The following CTTNBP2NL variants were observed in gnomAD, a reference collection of about 807,000 sequenced individuals.
CTTNBP2NL encodes CTTNBP2 N-terminal-like protein.
CTTNBP2NL carries 16 observed loss-of-function variants against 32.5 expected under a neutral mutation model. That is an observed-to-expected ratio of 0.49 (90% CI 0.33 to 0.75). The LOEUF (loss-of-function observed/expected upper bound fraction) is 0.75, where lower values mean the gene tolerates loss of function less well. Ranked by LOEUF, CTTNBP2NL falls within the 30% of genes least tolerant of loss-of-function variation. CTTNBP2NL has a pLI of 0.02. For missense variants in CTTNBP2NL, 645 were observed against 756.0 expected (o/e 0.85, Z 1.72); for synonymous variants, 298 against 289.4 (o/e 1.03, Z -0.30).
At chr1:112,395,732 GAAA>G (rs5777109), upstream of CTTNBP2NL, among the ~76,000 whole-genome samples, 1 of 145,634 alleles carries the variant, frequency 6.9e-6, no homozygotes, top group South Asian at 2.2e-4. Context: ...CCAGAAAAAA[GAAA>G]AAAAAAAAGG....
chr1:112,397,097 A>G (rs1174289331), intron 1 of CTTNBP2NL, among the ~76,000 whole-genome samples: 1 of 152,152 alleles, frequency 6.6e-6, no homozygotes, highest in Non-Finnish European at 1.5e-5. Flanking sequence ...TATATTTCAC[A>G]GTGAGGTGGG....
At chr1:112,428,206 T>G (rs1470815071) in intron 3 of CTTNBP2NL, among the ~76,000 whole-genome samples, 3 of 152,176 alleles carry the variant, frequency 2.0e-5, no homozygotes, top group Non-Finnish European at 2.9e-5. Context: ...TATGCATATT[T>G]TAATTTTTTC....
At chr1:112,419,939 A>G (rs1170753638) in intron 3 of CTTNBP2NL, among the ~76,000 whole-genome samples, 1 of 152,168 alleles carries the variant, frequency 6.6e-6, no homozygotes, top group Non-Finnish European at 1.5e-5. Flanking sequence ...GATCACATGA[A>G]CACATGAACA....
chr1:112,435,126 G>C (rs893619347), intron 3 of CTTNBP2NL, among the ~76,000 whole-genome samples: 1 of 120,244 alleles, frequency 8.3e-6, no homozygotes. Context: ...CTGGGCAGCA[G>C]AGCAAGACTC....
intron 1 of CTTNBP2NL, among the ~76,000 whole-genome samples, chr1:112,408,220 A>ATTTTTTTT (rs397981257): frequency 6.0e-4 from 62 of 103,744 alleles, no homozygotes; most frequent in African/African-American, 1.2e-3. Context: ...TTTTTTTTTA[A>ATTTTTTTT]TTTTTTTTTT....
chr1:112,423,658 ATTCTC>A (rs1649299505), intron 3 of CTTNBP2NL, among the ~76,000 whole-genome samples: 1 of 152,234 alleles, frequency 6.6e-6, no homozygotes, highest in East Asian at 1.9e-4. Flanking sequence ...GTCTCATTTC[ATTCTC>A]TTAACTGTAT....
rs757531503 is a variant in CTTNBP2NL at position 112,456,656 on chromosome 1, G to A, written c.1164G>A (p.Glu388=). The part of the protein sequence containing the change: ...SVALAQEKPV[E]NGGCPVGIET... ...CATTGGCCCAAGAGAAACCAGTGGA[G>A]AATGGTGGGTGTCCTGTGGGGATTG... Residue 388 remains glutamate (E), a synonymous_variant, in exon 6 of 6, where the codon GAG becomes GAA. Transcript: ENST00000271277. The A allele has an allele frequency of 3.1e-6, 5 of 1,614,172 alleles. No individual in the cohort carries two copies. The South Asian group carries it at 4.4e-5, about 14-fold the overall frequency.
intron 1 of CTTNBP2NL, among the ~76,000 whole-genome samples, chr1:112,397,991 A>T (rs187598103): frequency 6.6e-6 from 1 of 152,356 alleles, no homozygotes; most frequent in African/African-American, 2.4e-5. Flanking sequence ...CCAGTAAGAA[A>T]GTACAAAGAA....
At chr1:112,424,108 GTTTTTT>G (rs1311378054) in intron 3 of CTTNBP2NL, among the ~76,000 whole-genome samples, 1 of 151,896 alleles carries the variant, frequency 6.6e-6, no homozygotes, top group Admixed American at 6.6e-5. Context: ...GTTTTCTCCT[GTTTTTT>G]TGTTTTTGTT....
At chr1:112,417,874 A>G (rs982829182) in intron 3 of CTTNBP2NL, among the ~76,000 whole-genome samples, 1 of 149,864 alleles carries the variant, frequency 6.7e-6, no homozygotes, top group East Asian at 2.0e-4. Flanking sequence ...TCTCCAATGT[A>G]TCAGGATTTT....
intron 4 of CTTNBP2NL, among the ~76,000 whole-genome samples, chr1:112,451,788 A>G (rs1650227421): frequency 6.8e-6 from 1 of 146,860 alleles, no homozygotes. Flanking sequence ...AAAAAAACAC[A>G]AAACAAACAA....
At chr1:112,427,308 T>C (rs973798297) in intron 3 of CTTNBP2NL, among the ~76,000 whole-genome samples, 1 of 152,174 alleles carries the variant, frequency 6.6e-6, no homozygotes, top group South Asian at 2.1e-4. Context: ...TTAAAGGGGA[T>C]TGTGTTTATA....
chr1:112,399,210 T>C (rs1648422636), intron 1 of CTTNBP2NL, among the ~76,000 whole-genome samples: 1 of 150,236 alleles, frequency 6.7e-6, no homozygotes, highest in South Asian at 2.1e-4. Context: ...TCCTAGCTAC[T>C]CAGGAGGCTG....
rs1196317654 is a variant in CTTNBP2NL, at chr1:112,458,679, A to G, written c.*1267A>G. 6.6e-6 allele frequency: 1 copy of G among 152,188 alleles called. No homozygotes were observed. Among genetic ancestry groups the G allele is most frequent in the Non-Finnish European group, 1.5e-5 (1 of 68,040 alleles). The allele number at this position is 152,188 out of a possible 1,614,324, so 9.4% of individuals were successfully genotyped here. On this transcript the variant is annotated 3_prime_UTR_variant, in exon 6 of 6. Transcript: ENST00000271277. ...AAGCCTAGATCTTCAGTATCATAAA[A>G]AGGCAGAGCTGGCCAGGCACAGTGG...
At chr1:112,398,525 T>G (rs1025406836) in intron 1 of CTTNBP2NL, among the ~76,000 whole-genome samples, 3 of 152,192 alleles carry the variant, frequency 2.0e-5, no homozygotes, top group African/African-American at 7.2e-5. Context: ...ATGTACTGAT[T>G]AGATTTGGCA....
At chr1:112,425,999 GTGTGTC>G (rs751064502) in intron 3 of CTTNBP2NL, among the ~76,000 whole-genome samples, 32,116 of 120,836 alleles carry the variant, frequency 0.27, 4,314 homozygotes, top group South Asian at 0.5. Context: ...GTGTGTGTGT[GTGTGTC>G]TGTCTGTCTT....
intron 3 of CTTNBP2NL, among the ~76,000 whole-genome samples, chr1:112,431,252 T>G (rs2101016274): frequency 6.6e-6 from 1 of 152,370 alleles, no homozygotes; most frequent in South Asian, 2.1e-4. Flanking sequence ...CTATTTTGAC[T>G]TCCTCTTATT....
chr1:112,441,824 C>CAAAAG (rs1443988785), intron 3 of CTTNBP2NL, among the ~76,000 whole-genome samples: 1 of 152,134 alleles, frequency 6.6e-6, no homozygotes, highest in African/African-American at 2.4e-5. Flanking sequence ...ATATGCTTTT[C>CAAAAG]CCTATTGCAG....
At chr1:112,418,676 A>G (rs1649138079) in intron 3 of CTTNBP2NL, among the ~76,000 whole-genome samples, 1 of 152,170 alleles carries the variant, frequency 6.6e-6, no homozygotes, top group Non-Finnish European at 1.5e-5. Context: ...TACATTGCTC[A>G]TGAACTGTCT....
Sources: gnomAD v4.1 joint callset for allele counts (sites outside exome capture counted in the v4.1 genomes callset) on GRCh38, gnomAD v4.1.1 for gene constraint, MANE v1.5 for transcripts, NCBI Gene and HGNC (gene_info 2026-07-23, HGNC 2026-07-21) for gene names.